The following ABI2 variants were observed in gnomAD, a reference collection of about 807,000 sequenced individuals.
ABI2 encodes abl interactor 2, also known as abelson interactor 2.
In ABI2, 25 loss-of-function variants were observed where a neutral mutation model predicts 59.2. That is an observed-to-expected ratio of 0.42 (90% CI 0.31 to 0.59). The LOEUF is 0.59. ABI2 is among the 20% of genes least tolerant of loss of function. The probability of loss-of-function intolerance (pLI) is 0.14; values close to 1 mark genes in which losing one functional copy is unlikely to be tolerated. For missense variants in ABI2, 545 were observed against 681.8 expected, an observed-to-expected ratio of 0.80 and a Z score of 2.23; for synonymous variants, 213 against 235.5, an observed-to-expected ratio of 0.90 and a Z score of 0.87.
Position 203,374,168 on chromosome 2 carries a change from A to G in ABI2, c.286-6040A>G, listed in dbSNP as rs145412373. 6.6e-3 allele frequency among the ~76,000 whole-genome samples: 1,010 copies of G among 152,152 alleles called. 7 individuals carry two copies. Among genetic ancestry groups the G allele is most frequent in the Non-Finnish European group, 0.01 (686 of 67,988 alleles). On this transcript the variant is annotated intron_variant, in intron 2 of 11. Transcript: ENST00000261018. ...AGTGAGACACTGTCTCAACAACCCA[A>G]AACACAAAAACTTTATATAGATAGC...
intron 4 of ABI2, among the ~76,000 whole-genome samples, chr2:203,390,165 A>G (rs1370561814): frequency 1.3e-5 from 2 of 152,200 alleles, no homozygotes; most frequent in African/African-American, 4.8e-5. Flanking sequence ...TTCCCTCATA[A>G]GAAGATACTA....
At chr2:203,357,759 TTTTGTTTGTTTG>T (rs60160570) in intron 1 of ABI2, among the ~76,000 whole-genome samples, 12 of 150,874 alleles carry the variant, frequency 8.0e-5, no homozygotes, top group African/African-American at 1.2e-4. Context: ...TTTTGGGGTT[TTTTGTTTGTTTG>T]TTTGTTTGTT....
chr2:203,416,946 C>G lies in ABI2; in HGVS notation c.1318C>G (p.Pro440Ala). Reference protein sequence around the residue: ...TPPPPPPVEEPVFDESPPPPP... With the variant: ...TPPPPPPVEEAVFDESPPPPP... Reference sequence around the variant, plus strand: ...ACCTCCACCGCCACCTGTGGAAGAACCAGTCTTTGATGAGTCTCCCCCACC... The same window carrying G: ...ACCTCCACCGCCACCTGTGGAAGAAGCAGTCTTTGATGAGTCTCCCCCACC... Residue 440 changes from proline (P) to alanine (A), a missense_variant, in exon 11 of 12, where the codon CCA (proline) becomes GCA (alanine). Coordinates refer to ENST00000261018, the MANE Select transcript of ABI2 (RefSeq NM_001375670.1). 6.2e-7 allele frequency: 1 copy of G among 1,613,712 alleles called. No homozygotes were observed. The highest frequency in any genetic ancestry group is 1.1e-5 in the South Asian group (1 of 90,960).
rs1401195031 is a variant in ABI2 at position 203,409,981 on chromosome 2, CT to C, written c.1193-1301del. The stretch of plus-strand genomic sequence containing the variant: ...CCCATTGATATTTCTGGGTTTTTTA[CT>C]TTCTCTTTGGGTATCTTTTCCTAGC... On this transcript the variant is annotated intron_variant, in intron 9 of 11. Coordinates refer to ENST00000261018, the MANE Select transcript of ABI2 (RefSeq NM_001375670.1). 1.2e-4 allele frequency among the ~76,000 whole-genome samples: 18 copies of C among 152,260 alleles called. No individual in the cohort carries two copies. The East Asian group carries it at 3.5e-3, about 29-fold the overall frequency.
intron 11 of ABI2, among the ~76,000 whole-genome samples, chr2:203,425,956 G>A (rs1417643531): frequency 2.0e-5 from 3 of 151,928 alleles, no homozygotes; most frequent in Admixed American, 2.0e-4. Flanking sequence ...GGGACATGGA[G>A]GTTGCAGTGA....
chr2:203,389,472 T>C (rs2096657133), intron 4 of ABI2, among the ~76,000 whole-genome samples: 1 of 152,238 alleles, frequency 6.6e-6, no homozygotes, highest in South Asian at 2.1e-4. Flanking sequence ...TTTTAAAAAA[T>C]TCCACTTAAG....
chr2:203,410,003 C>T (rs1177489108), intron 9 of ABI2, among the ~76,000 whole-genome samples: 2 of 152,132 alleles, frequency 1.3e-5, no homozygotes, highest in African/African-American at 4.8e-5. Context: ...GTATCTTTTC[C>T]TAGCCATATG....
At chr2:203,328,793 C>T (rs1218923205) in intron 1 of ABI2, 162 bp downstream of exon 1, 1 of 419,548 alleles carries the variant, frequency 2.4e-6, no homozygotes, top group South Asian at 7.8e-5. Flanking sequence ...GGTGGGAATT[C>T]TCCGGCTGGA....
At chr2:203,329,518 G>A (rs2071414495) in intron 1 of ABI2, among the ~76,000 whole-genome samples, 1 of 151,644 alleles carries the variant, frequency 6.6e-6, no homozygotes, top group Admixed American at 6.6e-5. Context: ...TACTTGAAAG[G>A]ATAGCAGGTT....
At chr2:203,413,367 C>G (rs1001414278) in intron 10 of ABI2, among the ~76,000 whole-genome samples, 2 of 152,208 alleles carry the variant, frequency 1.3e-5, no homozygotes, top group African/African-American at 2.4e-5. Flanking sequence ...CAAAATGTTT[C>G]ATGAACCAAA....
chr2:203,372,385 C>G (rs529325762), intron 2 of ABI2, among the ~76,000 whole-genome samples: 135 of 152,372 alleles, frequency 8.9e-4, no homozygotes, highest in Middle Eastern at 3.4e-3. Flanking sequence ...ACCTTTCCCC[C>G]CTTTCTATTC....
rs1311207083 is a variant in ABI2 at position 203,429,903 on chromosome 2, G to C, written c.*2551G>C. 1 of 152,218 alleles carries C rather than the reference G, an allele frequency of 6.6e-6. No individual in the cohort carries two copies. The highest frequency in any genetic ancestry group is 2.4e-5 in the African/African-American group (1 of 41,436). 9.4% of individuals were successfully genotyped at this position (152,218 alleles called of 1,614,324 possible). On this transcript the variant is annotated 3_prime_UTR_variant, in exon 12 of 12. Transcript: ENST00000261018. The stretch of plus-strand genomic sequence containing the variant: ...GGGCAGTGCAGAAGACACTGGTGAA[G>C]TCCTTTATACTGAAGACCTGTGGTT...
intron 9 of ABI2, among the ~76,000 whole-genome samples, chr2:203,409,449 C>T (rs2097566888): frequency 6.6e-6 from 1 of 152,176 alleles, no homozygotes; most frequent in African/African-American, 2.4e-5. Context: ...ATAATCTCAA[C>T]CCAAATATAT....
rs71906750 is a variant in ABI2, at chr2:203,384,275, C to CTTGTTT, written c.480+2084_480+2089dup. 5.6e-4 allele frequency among the ~76,000 whole-genome samples: 44 copies of CTTGTTT among 78,884 alleles called. 2 individuals carry two copies. The highest frequency in any genetic ancestry group is 1.6e-3 in the African/African-American group (28 of 17,928). 51.8% of individuals were successfully genotyped at this position (78,884 alleles called of 152,430 possible). A position where few individuals can be genotyped will look rare whatever the true frequency, so the allele number is the denominator to read the frequency against. The stretch of plus-strand genomic sequence containing the variant: ...CTTGAACTGGTTCCTGTTCCATACT[C>CTTGTTT]TTGTTTTTGTTTTTGTTTTTTTTTT... On this transcript the variant is annotated intron_variant, in intron 4 of 11. Transcript: ENST00000261018.
At position 203,424,146 on chromosome 2, in the gene ABI2, C is replaced by T. The variant is rs2254878; in HGVS notation, c.1454-3031C>T. The stretch of plus-strand genomic sequence containing the variant: ...CTATTGCCAAAACCAGTTTTCCAGA[C>T]TAAATAAAATCTAGACAGATTTTAC... On this transcript the variant is annotated intron_variant, in intron 11 of 11. Coordinates refer to ENST00000261018, the MANE Select transcript of ABI2 (RefSeq NM_001375670.1). 4.2e-3 allele frequency among the ~76,000 whole-genome samples: 640 copies of T among 152,236 alleles called. 3 individuals carry two copies. Among genetic ancestry groups the T allele is most frequent in the African/African-American group, 0.013 (553 of 41,528 alleles).
chr2:203,408,452 C>T (rs1354369118), intron 9 of ABI2, among the ~76,000 whole-genome samples: 4 of 148,834 alleles, frequency 2.7e-5, no homozygotes, highest in East Asian at 2.0e-4. Flanking sequence ...CATGAGCCAC[C>T]GTGCCTGGCT....
At chr2:203,399,776 A>G (rs2097147673) in intron 8 of ABI2, among the ~76,000 whole-genome samples, 2 of 152,288 alleles carry the variant, frequency 1.3e-5, no homozygotes, top group South Asian at 2.1e-4. Flanking sequence ...CAGCCTCCCA[A>G]AGTGCTGGGA....
chr2:203,376,685 T>C lies in ABI2; in HGVS notation c.286-3523T>C, dbSNP rs145322815. ...TTTTGCTCTATTATAACAATGACCCTTTATTTTAGGCTTATTGTTATCTTT... is the reference window on the plus strand; with the variant it reads ...TTTTGCTCTATTATAACAATGACCCCTTATTTTAGGCTTATTGTTATCTTT... On this transcript the variant is annotated intron_variant, in intron 2 of 11. Coordinates refer to ENST00000261018, the MANE Select transcript of ABI2 (RefSeq NM_001375670.1). Among the ~76,000 whole-genome samples, 101 of 152,126 alleles carry C rather than the reference T, an allele frequency of 6.6e-4. 1 individual carries two copies. Among genetic ancestry groups the C allele is most frequent in the Middle Eastern group, 3.4e-3 (1 of 292 alleles).
At chr2:203,410,073 C>T (rs2097591897) in intron 9 of ABI2, among the ~76,000 whole-genome samples, 1 of 152,188 alleles carries the variant, frequency 6.6e-6, no homozygotes, top group East Asian at 1.9e-4. Context: ...CCTTTACCCT[C>T]ACTTGCTTCT....
Sources: gnomAD v4.1 joint callset for allele counts (sites outside exome capture counted in the v4.1 genomes callset) on GRCh38, gnomAD v4.1.1 for gene constraint, MANE v1.5 for transcripts, NCBI Gene and HGNC (gene_info 2026-07-23, HGNC 2026-07-21) for gene names.